The following CCDC93 variants were observed in gnomAD, a reference collection of about 807,000 sequenced individuals.
CCDC93 encodes the protein coiled-coil domain-containing protein 93.
Under a neutral mutation model 108.2 loss-of-function variants are expected in CCDC93, and 61 were observed. That is an observed-to-expected ratio of 0.56 (90% confidence interval 0.46 to 0.70). The LOEUF is 0.70. Ranked by LOEUF, CCDC93 falls within the 30% of genes least tolerant of loss-of-function variation. The pLI, the probability that CCDC93 is intolerant of heterozygous loss-of-function variation, is 0.00. For missense variants in CCDC93, 685 were observed against 764.2 expected, an observed-to-expected ratio of 0.90 and a Z score of 1.22; for synonymous variants, 276 against 260.4, an observed-to-expected ratio of 1.06 and a Z score of -0.58.
rs113711473 is a variant in CCDC93, at chr2:117,939,410, G to C, written c.1523-299C>G. On this transcript the variant is annotated intron_variant, in intron 19 of 23. Transcript: ENST00000376300. Reference sequence around the variant, plus strand: ...CATCCAGCCAAAGAACTGGGTGGGGGTTGTAGATATTTGATAATAACACAT... The same window carrying C: ...CATCCAGCCAAAGAACTGGGTGGGGCTTGTAGATATTTGATAATAACACAT... Among the ~76,000 whole-genome samples the C allele has an allele frequency of 2.3e-4, 35 of 152,296 alleles. 1 individual carries two copies. The highest frequency in any genetic ancestry group is 4.7e-4 in the Non-Finnish European group (32 of 68,030).
chr2:118,002,873 T>C (rs775429884), intron 3 of CCDC93, among the ~76,000 whole-genome samples: 16 of 152,066 alleles, frequency 1.1e-4, no homozygotes, highest in Admixed American at 5.2e-4. Context: ...CTTGTCTGCA[T>C]AAAAAAATTT....
At chr2:118,003,584 T>C (rs1301750847) in intron 3 of CCDC93, among the ~76,000 whole-genome samples, 6 of 152,104 alleles carry the variant, frequency 3.9e-5, no homozygotes, top group Admixed American at 6.6e-5. Flanking sequence ...CCATACATAA[T>C]AGCTTAAAAA....
At chr2:117,966,126 G>A (rs1679561809) in intron 11 of CCDC93, among the ~76,000 whole-genome samples, 1 of 152,168 alleles carries the variant, frequency 6.6e-6, no homozygotes, top group Admixed American at 6.5e-5. Flanking sequence ...GGCCTTATGG[G>A]GGTGCTAGCC....
At chr2:117,947,037 G>A (rs1185877230) in intron 15 of CCDC93, among the ~76,000 whole-genome samples, 155 bp from the exon 16 acceptor site, 1 of 152,192 alleles carries the variant, frequency 6.6e-6, no homozygotes, top group African/African-American at 2.4e-5. Context: ...CCAATTATCA[G>A]CCTGGGAAAG....
At chr2:117,953,659 T>C (rs761985591) in intron 12 of CCDC93, among the ~76,000 whole-genome samples, 5 of 150,932 alleles carry the variant, frequency 3.3e-5, no homozygotes, top group Non-Finnish European at 7.4e-5. Flanking sequence ...GGCTCCAGCC[T>C]TGTGAATGAG....
chr2:117,940,516 T>C (rs1678665051), intron 19 of CCDC93, among the ~76,000 whole-genome samples: 1 of 152,082 alleles, frequency 6.6e-6, no homozygotes. Flanking sequence ...AACCCAGGCA[T>C]GGTAAAGAAA....
intron 7 of CCDC93, among the ~76,000 whole-genome samples, 166 bp from the exon 8 acceptor site, chr2:117,978,196 T>C (rs1340873083): frequency 6.6e-6 from 1 of 152,200 alleles, no homozygotes; most frequent in East Asian, 1.9e-4. Context: ...TATTCCACTG[T>C]CTTTTTAATA....
In CCDC93 at chr2:117,986,154, T is replaced by C. The variant is rs577958262; in HGVS notation, c.520-85A>G. ...GCTGGATGCCTCCAGCCATGGGGTA[T>C]ATTCTCTTTTTTTTTTTTTTTTTTT... On this transcript the variant is annotated intron_variant, in intron 6 of 23. Transcript: ENST00000376300. 7 of 598,514 alleles carry C rather than the reference T, an allele frequency of 1.2e-5. 1 individual carries two copies. The South Asian group carries it at 1.6e-4, about 13-fold the overall frequency. The allele number at this position is 598,514 out of a possible 1,614,324, so 37.1% of individuals were successfully genotyped here. A position where few individuals can be genotyped will look rare whatever the true frequency, so the allele number is the denominator to read the frequency against.
intron 12 of CCDC93, among the ~76,000 whole-genome samples, chr2:117,953,769 C>T (rs796957459): frequency 9.9e-5 from 15 of 151,218 alleles, no homozygotes; most frequent in African/African-American, 3.6e-4. Flanking sequence ...GGTGGTGTTC[C>T]TGTGGTCCCG....
intron 11 of CCDC93, among the ~76,000 whole-genome samples, chr2:117,971,227 G>A (rs1371337164): frequency 6.6e-6 from 1 of 152,100 alleles, no homozygotes; most frequent in East Asian, 1.9e-4. Context: ...GCCAGGCATG[G>A]TGGTATGCGC....
intron 2 of CCDC93, 93 bp from the exon 3 acceptor site, chr2:118,006,909 G>A (rs1676886563): frequency 5.5e-6 from 4 of 732,628 alleles, no homozygotes; most frequent in Non-Finnish European, 2.4e-6. Context: ...AGCTCTAATA[G>A]ACTCAGTAAA....
intron 23 of CCDC93, among the ~76,000 whole-genome samples, chr2:117,928,346 T>C (rs1386109133): frequency 4.6e-5 from 7 of 151,984 alleles, no homozygotes; most frequent in Admixed American, 4.6e-4. Flanking sequence ...GGGAGAAAAT[T>C]TTTGCAATCT....
chr2:117,974,179 G>T (rs1270252165), intron 10 of CCDC93, among the ~76,000 whole-genome samples, 185 bp from the exon 11 acceptor site: 1 of 152,068 alleles, frequency 6.6e-6, no homozygotes, highest in Non-Finnish European at 1.5e-5. Context: ...GGACAAACAC[G>T]CAGCTACCTC....
intron 15 of CCDC93, 83 bp from the exon 16 acceptor site, chr2:117,946,965 T>G: frequency 9.9e-7 from 1 of 1,008,264 alleles, no homozygotes; most frequent in Non-Finnish European, 1.6e-6. Flanking sequence ...CCACAAGTCT[T>G]ATTTTCACAT....
chr2:117,998,009 T>C (rs1680713398), intron 4 of CCDC93: 1 of 152,242 alleles, frequency 6.6e-6, no homozygotes, highest in Non-Finnish European at 1.5e-5. Context: ...ACAGATGTTT[T>C]GGAGTTTCCA....
intron 6 of CCDC93, among the ~76,000 whole-genome samples, chr2:117,994,431 G>A (rs1370976490): frequency 6.6e-6 from 1 of 151,834 alleles, no homozygotes; most frequent in African/African-American, 2.4e-5. Context: ...ATGGAATTGA[G>A]AAAAAAAACA....
intron 13 of CCDC93, chr2:117,950,742 T>C (rs1223140128): frequency 3.0e-6 from 3 of 985,290 alleles, no homozygotes; most frequent in Non-Finnish European, 3.6e-6. Flanking sequence ...TCTTCAGAAG[T>C]TGTTCAGTAC....
intron 19 of CCDC93, among the ~76,000 whole-genome samples, chr2:117,939,882 C>T (rs931169207): frequency 7.2e-5 from 11 of 152,236 alleles, no homozygotes; most frequent in African/African-American, 2.6e-4. Context: ...GCTCACAGGC[C>T]AAGATGCAGA....
chr2:118,004,611 A>G (rs1160321636), intron 3 of CCDC93, among the ~76,000 whole-genome samples: 2 of 152,200 alleles, frequency 1.3e-5, no homozygotes, highest in African/African-American at 4.8e-5. Flanking sequence ...CAAACAGAAC[A>G]CATTCCAAAA....
Sources: gnomAD v4.1 joint callset for allele counts (sites outside exome capture counted in the v4.1 genomes callset) on GRCh38, gnomAD v4.1.1 for gene constraint, MANE v1.5 for transcripts, NCBI Gene and HGNC (gene_info 2026-07-23, HGNC 2026-07-21) for gene names.